Variants in RBFOX1 observed in about 807,000 individuals in gnomAD.
The protein encoded by RBFOX1 is RNA binding protein fox-1 homolog 1.
A neutral mutation model predicts 57.7 loss-of-function variants in RBFOX1; 8 were observed. That is an observed-to-expected ratio of 0.14 (90% CI 0.08 to 0.25). The LOEUF is 0.25. Among genes scored for constraint, RBFOX1 ranks in the 10% least tolerant of loss-of-function variants. The pLI is 1.00. For missense variants in RBFOX1, 611 were observed against 548.5 expected (o/e 1.11, Z -1.14); for synonymous variants, 326 against 222.4 (o/e 1.47, Z -4.15).
In RBFOX1 at chr16:7,236,161, G is replaced by T. The variant is rs149579919; in HGVS notation, c.27+184063G>T. On this transcript the variant is annotated intron_variant, in intron 4 of 15. Transcript: ENST00000550418. ...TCCTGCTCACCTAAACATTGCTACTGTTAAGCATTAATCTTCTCATATTTA... is the reference window on the plus strand; with the variant it reads ...TCCTGCTCACCTAAACATTGCTACTTTTAAGCATTAATCTTCTCATATTTA... Among the ~76,000 whole-genome samples the T allele has an allele frequency of 7.9e-5, 12 of 152,222 alleles. No homozygotes were observed. The East Asian group carries it at 2.3e-3, about 29-fold the overall frequency.
intron 4 of RBFOX1, among the ~76,000 whole-genome samples, chr16:7,340,157 C>T (rs74010638): frequency 0.22 from 33,545 of 152,132 alleles, 3,919 homozygotes; most frequent in African/African-American, 0.28. Flanking sequence ...AGACTATGAA[C>T]GGAGGCCAGA....
At chr16:6,347,052 G>A (rs1013354304) in intron 2 of RBFOX1, among the ~76,000 whole-genome samples, 2 of 152,128 alleles carry the variant, frequency 1.3e-5, no homozygotes, top group African/African-American at 2.4e-5. Flanking sequence ...ACAGAGCAAG[G>A]CAAGGATATT....
At position 6,747,847 on chromosome 16, in the gene RBFOX1, C is replaced by G. The variant is rs116289166; in HGVS notation, c.-16+93197C>G. 2.8e-3 allele frequency among the ~76,000 whole-genome samples: 433 copies of G among 152,262 alleles called. 3 individuals are homozygous for G. The highest frequency in any genetic ancestry group is 0.01 in the Middle Eastern group (3 of 294). On this transcript the variant is annotated intron_variant, in intron 3 of 15. Coordinates refer to ENST00000550418, the MANE Select transcript of RBFOX1 (RefSeq NM_018723.4). Reference sequence around the variant, plus strand: ...CTACCCGCCATCCAGAGTCATTTTTCTGACATAAAACTTTCATAGGCAATC... The same window carrying G: ...CTACCCGCCATCCAGAGTCATTTTTGTGACATAAAACTTTCATAGGCAATC...
intron 5 of RBFOX1, among the ~76,000 whole-genome samples, chr16:7,567,242 CATATAT>C (rs374298848): frequency 2.1e-4 from 15 of 70,922 alleles, no homozygotes; most frequent in East Asian, 4.4e-4. Flanking sequence ...TATATATATC[CATATAT>C]CCCTATATAT....
intron 3 of RBFOX1, among the ~76,000 whole-genome samples, chr16:6,917,100 C>G (rs925627767): frequency 6.6e-6 from 1 of 152,216 alleles, no homozygotes; most frequent in South Asian, 2.1e-4. Flanking sequence ...ATCCACCTGC[C>G]TTGGCCTCCC....
At chr16:6,454,327 C>A (rs1008536957) in intron 2 of RBFOX1, among the ~76,000 whole-genome samples, 4 of 152,122 alleles carry the variant, frequency 2.6e-5, no homozygotes, top group African/African-American at 9.7e-5. Context: ...GAGGTCAAGG[C>A]AGGTGAATCT....
intron 2 of RBFOX1, among the ~76,000 whole-genome samples, chr16:5,570,026 G>A (rs571777518): frequency 2.0e-5 from 3 of 152,108 alleles, no homozygotes; most frequent in African/African-American, 7.2e-5. Context: ...CAGCCCTTTC[G>A]TGGCAACAAC....
In RBFOX1 at chr16:7,478,016, T is replaced by A. The variant is rs559117967; in HGVS notation, c.28-40131T>A. Reference sequence around the variant, plus strand: ...TTTGAATTCCTCCTTCTCTCTACACTGTTTTAAAGCCATGGAGAAAATTAA... The same window carrying A: ...TTTGAATTCCTCCTTCTCTCTACACAGTTTTAAAGCCATGGAGAAAATTAA... On this transcript the variant is annotated intron_variant, in intron 4 of 15. Coordinates refer to ENST00000550418, the MANE Select transcript of RBFOX1 (RefSeq NM_018723.4). Among the ~76,000 whole-genome samples, 5 of 152,350 alleles carry A rather than the reference T, an allele frequency of 3.3e-5. No homozygotes were observed. In the South Asian group the frequency reaches 1.0e-3, roughly 32 times the overall value.
At chr16:5,935,475 T>C (rs2059149700) in intron 4 of RBFOX1, among the ~76,000 whole-genome samples, 1 of 152,166 alleles carries the variant, frequency 6.6e-6, no homozygotes, top group African/African-American at 2.4e-5. Context: ...GTCTGGGGCA[T>C]AGGAGCTGTT....
chr16:5,593,330 G>A (rs1006568151), intron 2 of RBFOX1, among the ~76,000 whole-genome samples: 1 of 151,786 alleles, frequency 6.6e-6, no homozygotes, highest in African/African-American at 2.4e-5. Context: ...ATCACATACC[G>A]GGGCCTGTCA....
At chr16:6,848,280 G>A (rs1444556208) in intron 3 of RBFOX1, among the ~76,000 whole-genome samples, 1 of 152,164 alleles carries the variant, frequency 6.6e-6, no homozygotes, top group South Asian at 2.1e-4. Context: ...TTGTGACCAT[G>A]TGGGAAGGTG....
intron 2 of RBFOX1, among the ~76,000 whole-genome samples, chr16:6,464,902 A>T (rs1384685194): frequency 4.6e-5 from 7 of 152,260 alleles, no homozygotes; most frequent in Non-Finnish European, 2.9e-5. Flanking sequence ...TCCAGCACAG[A>T]GATCCCGGGG....
intron 4 of RBFOX1, among the ~76,000 whole-genome samples, chr16:7,410,809 C>T (rs17135026): frequency 0.11 from 16,417 of 150,072 alleles, 1,058 homozygotes; most frequent in African/African-American, 0.17. Context: ...TTTCATCAGG[C>T]TTGAGGATCA....
chr16:6,747,802 T>A (rs930709921), intron 3 of RBFOX1, among the ~76,000 whole-genome samples: 2 of 152,128 alleles, frequency 1.3e-5, no homozygotes, highest in African/African-American at 4.8e-5. Flanking sequence ...GATGTCTGAA[T>A]TGTGACATAT....
At chr16:7,204,529 C>A (rs1488246738) in intron 4 of RBFOX1, among the ~76,000 whole-genome samples, 1 of 152,098 alleles carries the variant, frequency 6.6e-6, no homozygotes, top group African/African-American at 2.4e-5. Context: ...ACCTGTAGTC[C>A]CAGTTACGCA....
At chr16:6,115,436 G>C (rs1017782090) in intron 1 of RBFOX1, among the ~76,000 whole-genome samples, 1 of 152,050 alleles carries the variant, frequency 6.6e-6, no homozygotes, top group African/African-American at 2.4e-5. Context: ...GAAGCCATAT[G>C]CAGTAGTGAG....
intron 4 of RBFOX1, among the ~76,000 whole-genome samples, chr16:7,465,611 G>A (rs966649832): frequency 6.6e-6 from 1 of 152,182 alleles, no homozygotes; most frequent in Admixed American, 6.5e-5. Context: ...TAGCTTCCAA[G>A]ATTTGTCAGG....
chr16:6,267,480 A>G (rs528344107), intron 1 of RBFOX1, among the ~76,000 whole-genome samples: 1 of 152,156 alleles, frequency 6.6e-6, no homozygotes, highest in Non-Finnish European at 1.5e-5. Context: ...TAGACCATGG[A>G]TATATCCAGT....
At chr16:5,558,403 C>T (rs1338651731) in intron 2 of RBFOX1, among the ~76,000 whole-genome samples, 8 of 152,060 alleles carry the variant, frequency 5.3e-5, no homozygotes, top group Admixed American at 5.2e-4. Context: ...CTGCAAGTTC[C>T]CCTTAGAGGT....
Sources: allele counts gnomAD v4.1 joint callset (sites outside exome capture counted in the v4.1 genomes callset), GRCh38; gene constraint gnomAD v4.1.1; transcripts MANE v1.5; gene names NCBI Gene and HGNC (gene_info 2026-07-23, HGNC 2026-07-21).